Variants in PDE4C observed in about 807,000 individuals in gnomAD.
PDE4C encodes the protein phosphodiesterase 4C.
A neutral mutation model predicts 63.9 loss-of-function variants in PDE4C; 50 were observed. The observed-to-expected ratio is 0.78, with a 90% CI of 0.62 to 0.99. PDE4C has a LOEUF of 0.99. Ranked by LOEUF, PDE4C falls within the 50% of genes least tolerant of loss-of-function variation. The pLI is 0.00. For missense variants in PDE4C, 777 were observed against 899.1 expected, an observed-to-expected ratio of 0.86 and a Z score of 1.74; for synonymous variants, 377 against 385.1, an observed-to-expected ratio of 0.98 and a Z score of 0.25.
chr19:18,240,844 CTGTG>C (rs1969024024), intron 1 of PDE4C, among the ~76,000 whole-genome samples: 1 of 152,166 alleles, frequency 6.6e-6, no homozygotes, highest in Middle Eastern at 3.2e-3. Flanking sequence ...ACTTGAACTT[CTGTG>C]TGTGTAAGGG....
intron 12 of PDE4C, among the ~76,000 whole-genome samples, chr19:18,214,237 C>G (rs998241179): frequency 6.8e-6 from 1 of 147,722 alleles, no homozygotes; most frequent in Non-Finnish European, 1.5e-5. Flanking sequence ...GGCGACAGAG[C>G]AAGACTCCGT....
exon 2 of PDE4C, chr19:18,222,251 C>T: frequency 6.2e-7 from 1 of 1,614,068 alleles, no homozygotes; most frequent in Non-Finnish European, 8.5e-7. Flanking sequence ...CCTGCATAAT[C>T]CGGCCCAGGC....
chr19:18,228,070 G>A (rs773046386), upstream of PDE4C, among the ~76,000 whole-genome samples: 19 of 151,998 alleles, frequency 1.3e-4, no homozygotes, highest in African/African-American at 3.9e-4. Context: ...AAATACCATC[G>A]TTGTCTGCTG....
chr19:18,237,322 C>G (rs1330262135), upstream of PDE4C, among the ~76,000 whole-genome samples: 1 of 151,922 alleles, frequency 6.6e-6, no homozygotes, highest in Non-Finnish European at 1.5e-5. Context: ...GAGGCCAAGG[C>G]GGGAGGATCA....
At chr19:18,251,135 T>TC (rs1969224592), upstream of PDE4C, among the ~76,000 whole-genome samples, 2 of 151,594 alleles carry the variant, frequency 1.3e-5, no homozygotes, top group South Asian at 2.1e-4. Context: ...AGTCTTTTTT[T>TC]TCCCCCCCGA....
the PDE4C span, among the ~76,000 whole-genome samples, chr19:18,253,725 A>G: frequency 2.6e-5 from 4 of 152,164 alleles, no homozygotes; most frequent in Non-Finnish European, 5.9e-5. Flanking sequence ...CGCTGGGAAC[A>G]TGTCTCCGGA....
At chr19:18,211,783 A>G in exon 14 of PDE4C, 1 of 1,614,206 alleles carries the variant, frequency 6.2e-7, no homozygotes. Flanking sequence ...CTGAGGCCGT[A>G]TGCTTGTCAC....
At chr19:18,225,593 A>G (rs755848137) in intron 1 of PDE4C, 1 of 151,974 alleles carries the variant, frequency 6.6e-6, no homozygotes, top group Non-Finnish European at 1.5e-5. Context: ...CACAAGCCCC[A>G]CTCCGAACCC....
upstream of PDE4C, chr19:18,250,112 C>G (rs1256558547): frequency 1.3e-5 from 5 of 398,654 alleles, no homozygotes; most frequent in African/African-American, 8.2e-5. Context: ...GCCCCCATCT[C>G]TGTTGGCTCC....
At chr19:18,232,922 G>C in intron 1 of PDE4C, 1 of 1,422,690 alleles carries the variant, frequency 7.0e-7, no homozygotes, top group South Asian at 1.5e-5. Flanking sequence ...CCCCCGCGCT[G>C]CAGGAGGCCC....
At chr19:18,216,321 C>T (rs1968194777) in intron 12 of PDE4C, among the ~76,000 whole-genome samples, 1 of 149,560 alleles carries the variant, frequency 6.7e-6, no homozygotes, top group Non-Finnish European at 1.5e-5. Flanking sequence ...TGCAGTGGTG[C>T]GATCTCAGCT....
In PDE4C at chr19:18,217,080, T is replaced by C. The variant is rs997962751; in HGVS notation, c.1235-185A>G. 1.6e-5 allele frequency: 9 copies of C among 573,400 alleles called. No homozygotes were observed. The Admixed American group carries it at 3.2e-4, about 20-fold the overall frequency. 35.5% of individuals were successfully genotyped at this position (573,400 alleles called of 1,614,324 possible). A position where few individuals can be genotyped will look rare whatever the true frequency, so the allele number is the denominator to read the frequency against. ...CTGACTGCAGGGCTAGGGTTGTCTGTGTTTGGCTCTGCCTACCCAAGACTG... is the reference window on the plus strand; with the variant it reads ...CTGACTGCAGGGCTAGGGTTGTCTGCGTTTGGCTCTGCCTACCCAAGACTG... On this transcript the variant is annotated intron_variant, in intron 11 of 14. Coordinates refer to ENST00000262805, the Ensembl canonical transcript of PDE4C.
At chr19:18,235,570 A>T (rs1312688201), upstream of PDE4C, among the ~76,000 whole-genome samples, 1 of 152,104 alleles carries the variant, frequency 6.6e-6, no homozygotes, top group Non-Finnish European at 1.5e-5. Context: ...TCCTGCCCAG[A>T]CACTGCCCAA....
exon 8 of PDE4C, chr19:18,219,245 G>T: frequency 6.2e-7 from 1 of 1,614,178 alleles, no homozygotes; most frequent in Non-Finnish European, 8.5e-7. Context: ...TTGGCCAGTT[G>T]CTCCTCCTGG....
upstream of PDE4C, among the ~76,000 whole-genome samples, chr19:18,236,274 C>G (rs994700128): frequency 1.3e-5 from 2 of 151,416 alleles, no homozygotes; most frequent in African/African-American, 4.9e-5. Context: ...GTGTCTTGCT[C>G]TGTCACCCAG....
At chr19:18,250,858 C>T (rs1969221966), upstream of PDE4C, among the ~76,000 whole-genome samples, 1 of 151,392 alleles carries the variant, frequency 6.6e-6, no homozygotes, top group Non-Finnish European at 1.5e-5. Flanking sequence ...ACTGTGACCT[C>T]CATCTCCAAG....
At chr19:18,224,450 G>A (rs1392052576) in intron 1 of PDE4C, 6 of 985,438 alleles carry the variant, frequency 6.1e-6, no homozygotes, top group Non-Finnish European at 7.2e-6. Flanking sequence ...GGCAGCATTC[G>A]GTCCAAGTAT....
exon 1 of PDE4C, chr19:18,233,173 C>T (rs1283809646): frequency 1.9e-6 from 3 of 1,558,442 alleles, no homozygotes; most frequent in Non-Finnish European, 2.6e-6. Context: ...GCCCCTTCGC[C>T]GACCCCCAGG....
upstream of PDE4C, chr19:18,233,719 G>A: frequency 5.8e-6 from 2 of 342,038 alleles, no homozygotes; most frequent in South Asian, 4.4e-5. Flanking sequence ...GCGACCTGAT[G>A]GTGCTGAAGG....
Sources: allele counts gnomAD v4.1 joint callset (sites outside exome capture counted in the v4.1 genomes callset), GRCh38; gene constraint gnomAD v4.1.1; transcripts MANE v1.5; gene names NCBI Gene and HGNC (gene_info 2026-07-23, HGNC 2026-07-21).